FRYL: variants seen among roughly 807,000 people sequenced by gnomAD.
The protein encoded by FRYL is protein furry homolog-like.
FRYL carries 150 observed loss-of-function variants against 351.2 expected under a neutral mutation model. The ratio of observed to expected loss-of-function variants is 0.43; its 90% CI spans 0.37 to 0.49. The LOEUF is 0.49. Among genes scored for constraint, FRYL ranks in the 20% least tolerant of loss-of-function variants. FRYL has a pLI of 0.00. For synonymous variants in FRYL, 1,153 were observed against 1,257.1 expected (o/e 0.92, Z 1.75); for missense variants, 3,036 against 3,619.3 (o/e 0.84, Z 4.13).
At chr4:48,772,438 G>A (rs1365303918) in intron 1 of FRYL, among the ~76,000 whole-genome samples, 3 of 152,038 alleles carry the variant, frequency 2.0e-5, no homozygotes, top group Non-Finnish European at 2.9e-5. Flanking sequence ...ATCAAGGGAT[G>A]ATGTACTTGA....
At chr4:48,696,840 TAA>T (rs914243139) in intron 2 of FRYL, among the ~76,000 whole-genome samples, 3 of 142,006 alleles carry the variant, frequency 2.1e-5, no homozygotes, top group African/African-American at 5.3e-5. Flanking sequence ...AAAATAACGA[TAA>T]GAGATCTATC....
rs1205944609 is a variant in FRYL, at chr4:48,497,402, G to C, written c.*2020C>G. On this transcript the variant is annotated 3_prime_UTR_variant, in exon 64 of 64. Transcript: ENST00000358350. ...CATTTTTATTATATTAATAGACTTA[G>C]TTACATATAAATAAACACAAAAAGC... The C allele has an allele frequency of 6.6e-6, 1 of 152,432 alleles. No homozygotes were observed. The highest frequency in any genetic ancestry group is 1.5e-5 in the Non-Finnish European group (1 of 68,006). 9.4% of individuals were successfully genotyped at this position (152,432 alleles called of 1,614,324 possible). A position where few individuals can be genotyped will look rare whatever the true frequency, so the allele number is the denominator to read the frequency against.
intron 1 of FRYL, among the ~76,000 whole-genome samples, chr4:48,714,098 A>T (rs1239355206): frequency 6.6e-6 from 1 of 152,150 alleles, no homozygotes; most frequent in African/African-American, 2.4e-5. Flanking sequence ...AACATACCAG[A>T]ATCTCTGGGA....
chr4:48,649,289 T>C (rs1757175314), intron 3 of FRYL, among the ~76,000 whole-genome samples: 1 of 152,198 alleles, frequency 6.6e-6, no homozygotes, highest in Non-Finnish European at 1.5e-5. Flanking sequence ...ACTTTTCTCA[T>C]TGTGCAAAAA....
At chr4:48,721,033 G>GA (rs1769408987) in intron 1 of FRYL, among the ~76,000 whole-genome samples, 1 of 152,204 alleles carries the variant, frequency 6.6e-6, no homozygotes, top group South Asian at 2.1e-4. Flanking sequence ...TAAGGAGGTA[G>GA]ATGATTATCA....
At chr4:48,699,558 A>G (rs1247168343) in intron 2 of FRYL, among the ~76,000 whole-genome samples, 1 of 152,216 alleles carries the variant, frequency 6.6e-6, no homozygotes, top group Non-Finnish European at 1.5e-5. Flanking sequence ...TCTAAAATAC[A>G]TGCTTCTCAA....
chr4:48,728,500 C>A (rs1456259798), intron 1 of FRYL, among the ~76,000 whole-genome samples: 1 of 151,902 alleles, frequency 6.6e-6, no homozygotes, highest in East Asian at 1.9e-4. Context: ...AAATTAATGT[C>A]AGATATCAAA....
intron 3 of FRYL, among the ~76,000 whole-genome samples, chr4:48,648,933 A>G (rs1757087515): frequency 6.6e-6 from 1 of 152,212 alleles, no homozygotes; most frequent in Admixed American, 6.5e-5. Flanking sequence ...ACTAAAACCC[A>G]CCAAATTGAA....
At chr4:48,735,968 TAATAAA>T (rs534561544) in intron 1 of FRYL, among the ~76,000 whole-genome samples, 169 of 8,030 alleles carry the variant, frequency 0.021, no homozygotes, top group African/African-American at 0.063. Context: ...ACTTAGAGTA[TAATAAA>T]AAAAAAAAAA....
At position 48,512,676 on chromosome 4, in the gene FRYL, T is replaced by G; in HGVS notation, c.7950A>C (p.Glu2650Asp). Residue 2650 changes from glutamate to aspartate, a missense_variant, in exon 57 of 64, where the codon GAA (glutamate) becomes GAC (aspartate). Glu to Asp is a conservative substitution (Grantham distance 45). Around this residue, in one of 7 missense-constraint regions of FRYL, gnomAD observed 1,987 missense variants for 2,311.7 expected, o/e 0.86. Coordinates refer to ENST00000358350, the MANE Select transcript of FRYL (RefSeq NM_015030.2). The part of the protein sequence containing the change: ...DFSGLSSQDE[E>D]EQDGFPEVQT... The stretch of plus-strand genomic sequence containing the variant: ...GTACTTCTGGAAAACCATCTTGCTC[T>G]TCTTCATCTTGACTATTAACACAGA... 6.2e-7 allele frequency: 1 copy of G among 1,612,550 alleles called. No individual in the cohort carries two copies. The highest frequency in any genetic ancestry group is 8.5e-7 in the Non-Finnish European group (1 of 1,178,636).
intron 1 of FRYL, among the ~76,000 whole-genome samples, chr4:48,719,073 G>A (rs954214505): frequency 1.3e-5 from 2 of 151,566 alleles, no homozygotes; most frequent in Non-Finnish European, 2.9e-5. Context: ...ATGCATCTCA[G>A]ATATTGCTTC....
chr4:48,664,519 C>T (rs1761382706), intron 3 of FRYL, among the ~76,000 whole-genome samples: 2 of 152,138 alleles, frequency 1.3e-5, no homozygotes, highest in Admixed American at 1.3e-4. Flanking sequence ...AGGTGACCCC[C>T]AGGCTTAGCG....
chr4:48,678,746 C>T (rs1335318125), intron 3 of FRYL, among the ~76,000 whole-genome samples: 4 of 151,926 alleles, frequency 2.6e-5, no homozygotes, highest in Non-Finnish European at 4.4e-5. Context: ...GAACCTGTAG[C>T]CTCAGAAATT....
chr4:48,532,032 T>A (rs1311008622), intron 49 of FRYL, among the ~76,000 whole-genome samples: 1 of 152,216 alleles, frequency 6.6e-6, no homozygotes. Flanking sequence ...TAGATGTATA[T>A]GTAGAGAACA....
intron 47 of FRYL, 141 bp from the exon 48 acceptor site, chr4:48,535,968 G>A: frequency 1.6e-6 from 1 of 616,668 alleles, no homozygotes; most frequent in African/African-American, 1.9e-5. Context: ...CGTTAGAAAA[G>A]TGAAACGAGA....
chr4:48,634,857 G>A (rs1224777977), intron 3 of FRYL, among the ~76,000 whole-genome samples: 2 of 152,112 alleles, frequency 1.3e-5, no homozygotes, highest in African/African-American at 4.8e-5. Context: ...ATAGTCAAAT[G>A]CAATAAAGGA....
intron 1 of FRYL, among the ~76,000 whole-genome samples, chr4:48,763,831 T>C (rs959041990): frequency 6.6e-6 from 1 of 152,140 alleles, no homozygotes; most frequent in Non-Finnish European, 1.5e-5. Context: ...TATAATCTTA[T>C]ATATAGGAAA....
rs1744448348 is a variant in FRYL at position 48,595,713 on chromosome 4, A to C, written c.1140-15T>G. The C allele has an allele frequency of 6.5e-7, 1 of 1,542,690 alleles. No individual in the cohort carries two copies. Among genetic ancestry groups the C allele is most frequent in the African/African-American group, 1.4e-5 (1 of 73,128 alleles). On this transcript the variant is annotated splice_polypyrimidine_tract_variant and intron_variant, in intron 14 of 63. Transcript: ENST00000358350. ...TCATAAGACGACTACAGGGAAAAAG[A>C]TCTAGTCATAGTGAGATCATAACAT...
Position 48,609,004 on chromosome 4 carries a change from C to A in FRYL, c.555G>T (p.Gly185=). The A allele has an allele frequency of 1.2e-6, 2 of 1,608,236 alleles. No individual in the cohort carries two copies. The highest frequency in any genetic ancestry group is 1.7e-6 in the Non-Finnish European group (2 of 1,175,378). Residue 185 remains glycine (G), a synonymous_variant, in exon 9 of 64, where the codon GGG becomes GGT. Coordinates refer to ENST00000358350, the MANE Select transcript of FRYL (RefSeq NM_015030.2). The part of the protein sequence containing the change: ...IIADLYAEVI[G]VLAQSKFQAV... The stretch of plus-strand genomic sequence containing the variant: ...AAACTTACTTTGATTGGGCAAGAAC[C>A]CCTATCACCTCTGCATATAAATCAG...
Sources: allele counts gnomAD v4.1 joint callset (sites outside exome capture counted in the v4.1 genomes callset), GRCh38; gene constraint gnomAD v4.1.1; regional missense constraint gnomAD v4.1.1; transcripts MANE v1.5; gene names NCBI Gene and HGNC (gene_info 2026-07-23, HGNC 2026-07-21).